TIAM2: variants seen among roughly 807,000 people sequenced by gnomAD.
The protein encoded by TIAM2 is rho guanine nucleotide exchange factor TIAM2.
A neutral mutation model predicts 152.9 loss-of-function variants in TIAM2; 80 were observed. The ratio of observed to expected loss-of-function variants is 0.52; its 90% CI spans 0.44 to 0.63. The LOEUF (loss-of-function observed/expected upper bound fraction) is 0.63, where lower values mean the gene tolerates loss of function less well. Among genes scored for constraint, TIAM2 ranks in the 30% least tolerant of loss-of-function variants. The pLI is 0.00. For missense variants in TIAM2, 1,965 were observed against 2,120.1 expected, an observed-to-expected ratio of 0.93 and a Z score of 1.44; for synonymous variants, 804 against 838.0, an observed-to-expected ratio of 0.96 and a Z score of 0.70.
intron 15 of TIAM2, among the ~76,000 whole-genome samples, chr6:155,236,577 T>TAA (rs1180512857): frequency 6.6e-6 from 1 of 152,010 alleles, no homozygotes; most frequent in Non-Finnish European, 1.5e-5. Flanking sequence ...GCAGGAGAAT[T>TAA]GCTTGCACCC....
At chr6:155,134,170 T>C (rs1158500432) in intron 4 of TIAM2, among the ~76,000 whole-genome samples, 1 of 152,152 alleles carries the variant, frequency 6.6e-6, no homozygotes, top group East Asian at 1.9e-4. Flanking sequence ...TGTATATATA[T>C]ATATATAGCA....
At chr6:155,068,607 C>CCCT (rs201502237) in intron 1 of TIAM2, among the ~76,000 whole-genome samples, 5 of 150,398 alleles carry the variant, frequency 3.3e-5, no homozygotes, top group South Asian at 4.3e-4. Flanking sequence ...CACCCGCCCC[C>CCCT]CCATCACGTC....
intron 2 of TIAM2, among the ~76,000 whole-genome samples, chr6:155,114,719 T>C (rs886976077): frequency 1.3e-5 from 2 of 152,148 alleles, no homozygotes; most frequent in African/African-American, 4.8e-5. Context: ...CACGGAAACC[T>C]TTGTTACCTG....
rs528544474 is a variant in TIAM2 at position 155,004,856 on chromosome 6, G to C, written c.-209+9364G>C. The C allele has an allele frequency of 4.5e-5, 7 of 155,532 alleles. No homozygotes were observed. The East Asian group carries it at 5.5e-4, about 12-fold the overall frequency. 9.6% of individuals were successfully genotyped at this position (155,532 alleles called of 1,614,324 possible). A position where few individuals can be genotyped will look rare whatever the true frequency, so the allele number is the denominator to read the frequency against. ...TTTGTAAATATAGTAGGCTCCAAAA[G>C]AAGATGTGCCCAAGATGGATTTATA... On this transcript the variant is annotated intron_variant, in intron 1 of 26. Coordinates refer to ENST00000682666, the MANE Select transcript of TIAM2 (RefSeq NM_012454.4).
At position 155,165,289 on chromosome 6, in the gene TIAM2, C is replaced by G; in HGVS notation, c.2241C>G (p.Leu747=). The change falls in exon 9 of 27, where the codon CTC becomes CTG. Residue 747 remains leucine (L), a synonymous_variant. Coordinates refer to ENST00000682666, the MANE Select transcript of TIAM2 (RefSeq NM_012454.4). ...TATGTTCTAGAGATGACTCTGCTCT[C>G]CGGAAAAGGACACTGTCACTGACCC... ...ALVCSRDDSA[L]RKRTLSLTQR... is the part of the protein sequence containing the mutation. 1 of 1,613,952 alleles carries G rather than the reference C, an allele frequency of 6.2e-7. No individual in the cohort carries two copies. The highest frequency in any genetic ancestry group is 2.2e-5 in the East Asian group (1 of 44,890).
intron 1 of TIAM2, among the ~76,000 whole-genome samples, chr6:155,079,470 C>G (rs1451733893): frequency 6.6e-6 from 1 of 152,138 alleles, no homozygotes; most frequent in African/African-American, 2.4e-5. Context: ...TGCCTGATTC[C>G]TCCTTGTGTA....
At chr6:155,154,338 GAGA>G (rs1289923253) in intron 7 of TIAM2, among the ~76,000 whole-genome samples, 1 of 152,162 alleles carries the variant, frequency 6.6e-6, no homozygotes, top group African/African-American at 2.4e-5. Flanking sequence ...TACGTGGGTG[GAGA>G]AGATCCTTTT....
At chr6:155,044,823 G>A (rs1777129723) in intron 1 of TIAM2, among the ~76,000 whole-genome samples, 1 of 141,870 alleles carries the variant, frequency 7.0e-6, no homozygotes, top group Non-Finnish European at 1.5e-5. Flanking sequence ...GCAAGACTCT[G>A]TCTCGAAAAA....
At chr6:155,179,506 C>T in intron 12 of TIAM2, 50 bp downstream of exon 12, 1 of 1,525,706 alleles carries the variant, frequency 6.6e-7, no homozygotes, top group African/African-American at 1.4e-5. Flanking sequence ...TCATCTTTGC[C>T]TACTTTGCCC....
intron 1 of TIAM2, among the ~76,000 whole-genome samples, chr6:155,016,772 T>C (rs774416724): frequency 2.8e-4 from 36 of 128,516 alleles, no homozygotes; most frequent in African/African-American, 9.0e-4. Context: ...TGGTGATGTG[T>C]GCCTGTAATC....
rs148747302 is a variant in TIAM2 at position 155,256,476 on chromosome 6, C to T, written c.4469-8C>T. 2.2e-3 allele frequency: 3,498 copies of T among 1,614,060 alleles called. 9 individuals are homozygous for T. The highest frequency in any genetic ancestry group is 2.8e-3 in the Non-Finnish European group (3,299 of 1,180,036). On this transcript the variant is annotated splice_polypyrimidine_tract_variant and splice_region_variant and intron_variant, in intron 26 of 26. Transcript: ENST00000682666. ...GTATCACAGCGAAATGTGTTTTTCT[C>T]ACTGTAGCTTCATCCAGGTCTTTAA...
intron 1 of TIAM2, among the ~76,000 whole-genome samples, chr6:155,055,311 G>A (rs370565886): frequency 3.9e-5 from 6 of 152,052 alleles, no homozygotes; most frequent in African/African-American, 9.7e-5. Flanking sequence ...AAATATTATC[G>A]TGTTGCTGTA....
At chr6:155,229,039 A>T (rs1782355890) in intron 15 of TIAM2, among the ~76,000 whole-genome samples, 1 of 152,224 alleles carries the variant, frequency 6.6e-6, no homozygotes, top group Non-Finnish European at 1.5e-5. Flanking sequence ...TCCTCCAGAC[A>T]GCGGGTGGCC....
intron 1 of TIAM2, among the ~76,000 whole-genome samples, chr6:155,023,042 GTT>G (rs762200760): frequency 0.02 from 1,731 of 88,256 alleles, 35 homozygotes; most frequent in African/African-American, 0.062. Context: ...TTTTTGTTCT[GTT>G]TTTTTTTTTT....
At chr6:155,114,433 C>T (rs1328000292) in intron 2 of TIAM2, among the ~76,000 whole-genome samples, 1 of 151,612 alleles carries the variant, frequency 6.6e-6, no homozygotes, top group African/African-American at 2.4e-5. Context: ...AGGAAGATGC[C>T]CCTTGGTTAT....
chr6:155,245,762 T>TTG (rs750892538), intron 19 of TIAM2, 31 bp downstream of exon 19: 1 of 1,459,692 alleles, frequency 6.9e-7, no homozygotes, highest in Non-Finnish European at 9.3e-7. Context: ...ATAGTTTTTT[T>TTG]TTTTTTTTGC....
At chr6:155,011,086 C>T (rs1778481795) in intron 1 of TIAM2, among the ~76,000 whole-genome samples, 1 of 151,818 alleles carries the variant, frequency 6.6e-6, no homozygotes, top group Non-Finnish European at 1.5e-5. Flanking sequence ...TCTTTTCAGT[C>T]CTTGGTAATG....
At chr6:155,111,144 C>T (rs1316658893) in intron 2 of TIAM2, among the ~76,000 whole-genome samples, 1 of 151,948 alleles carries the variant, frequency 6.6e-6, no homozygotes, top group Non-Finnish European at 1.5e-5. Flanking sequence ...TTCGAGTTAC[C>T]CTTGGCCACC....
At chr6:155,068,577 G>A (rs1016154605) in intron 1 of TIAM2, among the ~76,000 whole-genome samples, 1 of 151,092 alleles carries the variant, frequency 6.6e-6, no homozygotes, top group Non-Finnish European at 1.5e-5. Flanking sequence ...CTCAGCCTCC[G>A]GAGTAGCTGG....
Sources: allele counts gnomAD v4.1 joint callset (sites outside exome capture counted in the v4.1 genomes callset), GRCh38; gene constraint gnomAD v4.1.1; transcripts MANE v1.5; gene names NCBI Gene and HGNC (gene_info 2026-07-23, HGNC 2026-07-21).